ANKFN1: variants seen among roughly 807,000 people sequenced by gnomAD.
ANKFN1 encodes the protein ankyrin repeat and fibronectin type-III domain-containing protein 1.
In ANKFN1, 74 loss-of-function variants were observed where a neutral mutation model predicts 108.7. That is an observed-to-expected ratio of 0.68 (90% CI 0.56 to 0.83). The LOEUF (loss-of-function observed/expected upper bound fraction) is 0.83, where lower values mean the gene tolerates loss of function less well. Among genes scored for constraint, ANKFN1 ranks in the 40% least tolerant of loss-of-function variants. The pLI, the probability that ANKFN1 is intolerant of heterozygous loss-of-function variation, is 0.00. For missense variants in ANKFN1, 1,505 were observed against 1,382.3 expected, an observed-to-expected ratio of 1.09 and a Z score of -1.41; for synonymous variants, 547 against 516.2, an observed-to-expected ratio of 1.06 and a Z score of -0.81.
chr17:56,381,121 G>T (rs549762459), intron 8 of ANKFN1, among the ~76,000 whole-genome samples: 2 of 152,120 alleles, frequency 1.3e-5, no homozygotes, highest in African/African-American at 4.8e-5. Context: ...AGCAGCATTC[G>T]CAGTTCACAA....
chr17:56,482,333 C>T (rs1428057493), intron 17 of ANKFN1, 23 bp from the exon 18 acceptor site: 1 of 1,545,038 alleles, frequency 6.5e-7, no homozygotes. Context: ...TCCTATTTTT[C>T]CTCCGCGCGT....
intron 3 of ANKFN1, among the ~76,000 whole-genome samples, chr17:56,321,338 C>G (rs1038212502): frequency 6.6e-6 from 1 of 151,800 alleles, no homozygotes; most frequent in African/African-American, 2.4e-5. Context: ...CAGCCTCGCC[C>G]TAAGGAAGGT....
chr17:56,150,712 G>T (rs927604955), upstream of ANKFN1, among the ~76,000 whole-genome samples: 2 of 151,920 alleles, frequency 1.3e-5, no homozygotes. Context: ...GTCCCTTCCT[G>T]CCACTGTAGT....
chr17:56,097,085 A>T (rs539154296), intron 4 of ANKFN1, among the ~76,000 whole-genome samples: 1 of 152,288 alleles, frequency 6.6e-6, no homozygotes, highest in East Asian at 1.9e-4. Flanking sequence ...ATACATGTGT[A>T]CTTGAGGGTG....
intron 8 of ANKFN1, among the ~76,000 whole-genome samples, chr17:56,418,159 C>T (rs1038738760): frequency 5.9e-5 from 9 of 152,046 alleles, no homozygotes; most frequent in African/African-American, 2.2e-4. Context: ...CCTTTATTTC[C>T]TGATGTTTTG....
At chr17:56,478,904 G>A (rs962034980) in intron 16 of ANKFN1, among the ~76,000 whole-genome samples, 2 of 152,114 alleles carry the variant, frequency 1.3e-5, no homozygotes, top group Admixed American at 6.6e-5. Context: ...CAACTCTAAT[G>A]TCTCACTAGG....
At chr17:56,510,062 T>C (rs1304716512) in intron 20 of ANKFN1, among the ~76,000 whole-genome samples, 4 of 152,216 alleles carry the variant, frequency 2.6e-5, no homozygotes, top group Admixed American at 6.5e-5. Context: ...CCTGCTACTT[T>C]GTCAAATGCA....
rs1208050762 is a variant in ANKFN1, at chr17:56,188,594, TATATATA to T, written c.-70-24003_-70-23997del. On this transcript the variant is annotated intron_variant, in intron 1 of 20. Transcript: ENST00000682825. ...GTGTGTGTGTGTGTATATATATATATATATATATATATATATATATATGAAATATCCA... is the reference window on the plus strand; with the variant it reads ...GTGTGTGTGTGTGTATATATATATATTATATATATATATATGAAATATCCA... Among the ~76,000 whole-genome samples, 4 of 128,202 alleles carry T rather than the reference TATATATA, an allele frequency of 3.1e-5. No homozygotes were observed. In the East Asian group the frequency reaches 9.1e-4, roughly 29 times the overall value. 84.1% of individuals were successfully genotyped at this position (128,202 alleles called of 152,430 possible). A position where few individuals can be genotyped will look rare whatever the true frequency, so the allele number is the denominator to read the frequency against.
chr17:56,077,787 G>T (rs1003528124), intron 4 of ANKFN1, among the ~76,000 whole-genome samples: 1 of 151,950 alleles, frequency 6.6e-6, no homozygotes, highest in African/African-American at 2.4e-5. Context: ...ACTGCATTTG[G>T]CAGCCTCTTG....
At chr17:56,459,423 T>G (rs1568018963) in intron 14 of ANKFN1, among the ~76,000 whole-genome samples, 2 of 152,184 alleles carry the variant, frequency 1.3e-5, no homozygotes, top group Non-Finnish European at 2.9e-5. Flanking sequence ...AACTCACTCT[T>G]GATTGCATAA....
chr17:56,361,679 T>C (rs968408403), intron 6 of ANKFN1, among the ~76,000 whole-genome samples: 1 of 152,130 alleles, frequency 6.6e-6, no homozygotes, highest in Non-Finnish European at 1.5e-5. Flanking sequence ...GGGAATGGCT[T>C]TAGCTGGTTG....
At chr17:56,452,648 C>T (rs1282774619) in intron 11 of ANKFN1, among the ~76,000 whole-genome samples, 1 of 152,192 alleles carries the variant, frequency 6.6e-6, no homozygotes, top group African/African-American at 2.4e-5. Context: ...TGGCCCCATC[C>T]AACCACAAGG....
chr17:56,379,086 T>C (rs1567957118), intron 8 of ANKFN1, among the ~76,000 whole-genome samples: 2 of 152,128 alleles, frequency 1.3e-5, no homozygotes, highest in Non-Finnish European at 2.9e-5. Flanking sequence ...TCAAACTATA[T>C]TGTGTAGGAA....
chr17:56,129,350 A>T (rs1567796869), intron 4 of ANKFN1, among the ~76,000 whole-genome samples: 1 of 152,180 alleles, frequency 6.6e-6, no homozygotes, highest in Non-Finnish European at 1.5e-5. Flanking sequence ...CCTATATGAT[A>T]TACTCACTGG....
chr17:56,213,351 A>G (rs1434401605), intron 2 of ANKFN1, among the ~76,000 whole-genome samples: 1 of 152,144 alleles, frequency 6.6e-6, no homozygotes, highest in Non-Finnish European at 1.5e-5. Flanking sequence ...GCTGTAACCA[A>G]CAAGCCTACC....
chr17:56,490,215 T>C (rs957350162), intron 18 of ANKFN1, among the ~76,000 whole-genome samples: 2 of 152,078 alleles, frequency 1.3e-5, no homozygotes, highest in Admixed American at 1.3e-4. Context: ...GTAGGATAAG[T>C]GTCATGAAAT....
At chr17:56,183,357 G>A (rs1270479185) in intron 1 of ANKFN1, among the ~76,000 whole-genome samples, 1 of 152,130 alleles carries the variant, frequency 6.6e-6, no homozygotes, top group East Asian at 1.9e-4. Context: ...ACCAACATTA[G>A]CCAGTGATAT....
At chr17:56,385,579 T>C (rs867485416) in intron 8 of ANKFN1, among the ~76,000 whole-genome samples, 3 of 152,054 alleles carry the variant, frequency 2.0e-5, no homozygotes, top group Admixed American at 6.6e-5. Context: ...CATCTGACAA[T>C]GGGCTAATAT....
rs2049739920 is a variant in ANKFN1 at position 56,457,274 on chromosome 17, T to C, written c.1325T>C (p.Val442Ala). 1 of 1,589,996 alleles carries C rather than the reference T, an allele frequency of 6.3e-7. No individual in the cohort carries two copies. The highest frequency in any genetic ancestry group is 8.6e-7 in the Non-Finnish European group (1 of 1,168,068). Residue 442 changes from valine (V) to alanine (A), a missense_variant, in exon 13 of 21, where the codon GTT (valine) becomes GCT (alanine). Physicochemically the swap from Val to Ala is moderately conservative, Grantham distance 64. Transcript: ENST00000682825. The part of the protein sequence containing the change: ...KTLKRGLYIA[V>A]IFYYKDNILV... ...CTTTTTAGGGGACTCTACATAGCCG[T>C]TATATTTTATTACAAAGACAATATC...
Sources: allele counts gnomAD v4.1 joint callset (sites outside exome capture counted in the v4.1 genomes callset), GRCh38; gene constraint gnomAD v4.1.1; transcripts MANE v1.5; gene names NCBI Gene and HGNC (gene_info 2026-07-23, HGNC 2026-07-21).